Variants in FNIP1 observed in about 807,000 individuals in gnomAD.
The protein encoded by FNIP1 is folliculin interacting protein 1.
FNIP1 carries 40 observed loss-of-function variants against 124.5 expected under a neutral mutation model. The observed-to-expected ratio is 0.32, with a 90% CI of 0.25 to 0.42. FNIP1 has a LOEUF of 0.42. FNIP1 is among the 10% of genes least tolerant of loss of function. The probability of loss-of-function intolerance (pLI) is 1.00; values close to 1 mark genes in which losing one functional copy is unlikely to be tolerated. For missense variants in FNIP1, 1,176 were observed against 1,403.7 expected, an observed-to-expected ratio of 0.84 and a Z score of 2.59; for synonymous variants, 472 against 470.6, an observed-to-expected ratio of 1.00 and a Z score of -0.04.
At chr5:131,724,000 G>A (rs1327626905) in intron 3 of FNIP1, among the ~76,000 whole-genome samples, 1 of 152,010 alleles carries the variant, frequency 6.6e-6, no homozygotes. Flanking sequence ...GAGAATGATG[G>A]TTTCCAGCTT....
At chr5:131,678,146 T>A (rs1272270533) in intron 12 of FNIP1, among the ~76,000 whole-genome samples, 1 of 152,186 alleles carries the variant, frequency 6.6e-6, no homozygotes, top group African/African-American at 2.4e-5. Context: ...GAAATGCCAT[T>A]TTACTTCAAA....
chr5:131,693,333 CATAT>C (rs70974007), intron 11 of FNIP1, among the ~76,000 whole-genome samples: 1,528 of 50,174 alleles, frequency 0.03, 43 homozygotes, highest in African/African-American at 0.04. Flanking sequence ...TATATATATA[CATAT>C]ATATATATAT....
chr5:131,643,213 T>C lies in FNIP1; in HGVS notation c.*1472A>G, dbSNP rs889520422. Reference sequence around the variant, plus strand: ...TGAATACATACACAGCAAGGCAAAATGTGACCCAATGCTGTAAATTCAAGG... The same window carrying C: ...TGAATACATACACAGCAAGGCAAAACGTGACCCAATGCTGTAAATTCAAGG... On this transcript the variant is annotated 3_prime_UTR_variant, in exon 18 of 18. Transcript: ENST00000510461. The C allele has an allele frequency of 2.0e-5, 3 of 152,298 alleles. No homozygotes were observed. The highest frequency in any genetic ancestry group is 7.2e-5 in the African/African-American group (3 of 41,432). 9.4% of individuals were successfully genotyped at this position (152,298 alleles called of 1,614,324 possible).
chr5:131,696,683 A>C (rs1768704882), intron 11 of FNIP1, among the ~76,000 whole-genome samples: 1 of 152,172 alleles, frequency 6.6e-6, no homozygotes, highest in Non-Finnish European at 1.5e-5. Context: ...TTAAAATAAA[A>C]TTAATATATG....
chr5:131,690,909 T>C (rs1195503671), intron 11 of FNIP1, among the ~76,000 whole-genome samples: 1 of 152,178 alleles, frequency 6.6e-6, no homozygotes, highest in Non-Finnish European at 1.5e-5. Flanking sequence ...CTATTTTCCT[T>C]AGAAACTTCA....
chr5:131,786,558 G>T (rs1296702609), intron 1 of FNIP1, among the ~76,000 whole-genome samples: 1 of 152,222 alleles, frequency 6.6e-6, no homozygotes, highest in South Asian at 2.1e-4. Flanking sequence ...GAAATTGGGG[G>T]ATTAGAGTGC....
chr5:131,671,855 A>G lies in FNIP1; in HGVS notation c.2589T>C (p.His863=), dbSNP rs1197809297. The G allele has an allele frequency of 1.2e-6, 2 of 1,614,078 alleles. No individual in the cohort carries two copies. The highest frequency in any genetic ancestry group is 1.7e-6 in the Non-Finnish European group (2 of 1,179,988). ...TTTTTGAAAACTCTAACATACAGCAATGGTCTTTACTATCTGTACTTGTTT... is the reference window on the plus strand; with the variant it reads ...TTTTTGAAAACTCTAACATACAGCAGTGGTCTTTACTATCTGTACTTGTTT... ...PFKTSTDSKD[H]CCMLEFSKIL... The change falls in exon 14 of 18, where the codon CAT becomes CAC. Residue 863 remains histidine, a synonymous_variant. Coordinates refer to ENST00000510461, the MANE Select transcript of FNIP1 (RefSeq NM_133372.3).
rs146119514 is a variant in FNIP1, at chr5:131,713,050, C to T, written c.623-2389G>A. Among the ~76,000 whole-genome samples the T allele has an allele frequency of 3.4e-4, 51 of 152,034 alleles. No individual in the cohort carries two copies. In the East Asian group the frequency reaches 8.7e-3, roughly 26 times the overall value. ...CCCCTCAGTCTTAGTCTGTGTGCCT[C>T]TCTTCTCCTACCCCTTTTTTTTTTG... On this transcript the variant is annotated intron_variant, in intron 6 of 17. Coordinates refer to ENST00000510461, the MANE Select transcript of FNIP1 (RefSeq NM_133372.3).
chr5:131,670,204 TAAATA>T (rs909436459), intron 15 of FNIP1, among the ~76,000 whole-genome samples: 1 of 152,218 alleles, frequency 6.6e-6, no homozygotes, highest in Non-Finnish European at 1.5e-5. Flanking sequence ...TTTGATACTA[TAAATA>T]ACCTAGTTGA....
chr5:131,657,166 G>C (rs994606145), intron 15 of FNIP1, among the ~76,000 whole-genome samples: 1 of 151,866 alleles, frequency 6.6e-6, no homozygotes. Flanking sequence ...ACCATGCCTG[G>C]CTCATTTGTG....
intron 1 of FNIP1, among the ~76,000 whole-genome samples, chr5:131,756,654 A>T (rs1771061181): frequency 6.6e-6 from 1 of 152,218 alleles, no homozygotes; most frequent in Non-Finnish European, 1.5e-5. Flanking sequence ...CCCACAGGTG[A>T]AAATTACTGC....
At chr5:131,706,689 C>T (rs954993481) in intron 8 of FNIP1, 143 bp from the exon 9 acceptor site, 2 of 848,918 alleles carry the variant, frequency 2.4e-6, no homozygotes, top group East Asian at 5.9e-5. Context: ...AAGAACACAT[C>T]CTTCTTGTAG....
At position 131,671,540 on chromosome 5, in the gene FNIP1, T is replaced by C; in HGVS notation, c.2904A>G (p.Glu968=). ...QVSSYYGGEQ[E]DWAEEDEIPF... Reference sequence around the variant, plus strand: ...GTATCTCATCCTCTTCTGCCCAATCTTCTTGCTCTCCTCCATAATAACTGC... The same window carrying C: ...GTATCTCATCCTCTTCTGCCCAATCCTCTTGCTCTCCTCCATAATAACTGC... The change falls in exon 14 of 18, where the codon GAA becomes GAG. Residue 968 remains glutamate (E), a synonymous_variant. Transcript: ENST00000510461. 1 of 1,612,352 alleles carries C rather than the reference T, an allele frequency of 6.2e-7. No individual in the cohort carries two copies. The highest frequency in any genetic ancestry group is 8.5e-7 in the Non-Finnish European group (1 of 1,179,918).
At chr5:131,745,793 A>G (rs1770657885) in intron 1 of FNIP1, among the ~76,000 whole-genome samples, 1 of 152,204 alleles carries the variant, frequency 6.6e-6, no homozygotes, top group Non-Finnish European at 1.5e-5. Context: ...ACAGATAGCT[A>G]CTGTATTTTT....
intron 15 of FNIP1, among the ~76,000 whole-genome samples, chr5:131,657,102 C>T (rs550039952): frequency 1.4e-5 from 2 of 141,760 alleles, no homozygotes; most frequent in East Asian, 2.1e-4. Context: ...CTCCCAGGTT[C>T]GAGTGCTTCT....
chr5:131,644,791 T>C, intron 17 of FNIP1, 28 bp from the exon 18 acceptor site: 1 of 1,609,582 alleles, frequency 6.2e-7, no homozygotes, highest in Non-Finnish European at 8.5e-7. Flanking sequence ...AAAATGTCAG[T>C]TTTGATTTTC....
chr5:131,744,749 A>G (rs1770619103), intron 1 of FNIP1, 59 bp from the exon 2 acceptor site: 3 of 1,374,300 alleles, frequency 2.2e-6, no homozygotes, highest in South Asian at 1.6e-5. Context: ...TAAATATTCC[A>G]TATACATTAT....
intron 1 of FNIP1, among the ~76,000 whole-genome samples, chr5:131,750,248 G>A (rs1216966105): frequency 6.6e-6 from 1 of 152,144 alleles, no homozygotes; most frequent in African/African-American, 2.4e-5. Context: ...AGGGAACGTA[G>A]TGATGGGACA....
chr5:131,645,869 A>G (rs1240496411), intron 17 of FNIP1, among the ~76,000 whole-genome samples: 2 of 152,226 alleles, frequency 1.3e-5, no homozygotes, highest in East Asian at 3.8e-4. Flanking sequence ...TTGTACAAGG[A>G]CACAAGAGTA....
Sources: gnomAD v4.1 joint callset for allele counts (sites outside exome capture counted in the v4.1 genomes callset) on GRCh38, gnomAD v4.1.1 for gene constraint, MANE v1.5 for transcripts, NCBI Gene and HGNC (gene_info 2026-07-23, HGNC 2026-07-21) for gene names.